RNF220: variants seen among roughly 807,000 people sequenced by gnomAD.
RNF220 encodes the protein ring finger protein 220, also known as E3 ubiquitin-protein ligase RNF220.
In RNF220, 7 loss-of-function variants were observed where a neutral mutation model predicts 67.1. The observed-to-expected ratio is 0.10, with a 90% confidence interval of 0.06 to 0.20. The LOEUF is 0.20. Ranked by LOEUF, RNF220 falls within the 10% of genes least tolerant of loss-of-function variation. The pLI is 1.00. For synonymous variants in RNF220, 270 were observed against 283.2 expected, an observed-to-expected ratio of 0.95 and a Z score of 0.47; for missense variants, 565 against 740.3, an observed-to-expected ratio of 0.76 and a Z score of 2.75.
intron 2 of RNF220, chr1:44,545,366 C>A (rs1397982396): frequency 1.3e-5 from 2 of 154,156 alleles, no homozygotes; most frequent in African/African-American, 4.8e-5. Flanking sequence ...CATGCTGATT[C>A]CATGCCATTA....
At chr1:44,545,035 G>A (rs114303087) in intron 2 of RNF220, among the ~76,000 whole-genome samples, 2,118 of 152,340 alleles carry the variant, frequency 0.014, 42 homozygotes, top group African/African-American at 0.048. Flanking sequence ...CAAACAAAGC[G>A]GGCTAAAATC....
At chr1:44,527,929 A>AAAAAAAAAAG (rs1660514040) in intron 2 of RNF220, among the ~76,000 whole-genome samples, 2 of 140,298 alleles carry the variant, frequency 1.4e-5, no homozygotes, top group African/African-American at 2.8e-5. Flanking sequence ...CCATCCCAAA[A>AAAAAAAAAAG]AAAAAAAAAA....
intron 2 of RNF220, among the ~76,000 whole-genome samples, chr1:44,524,791 ATAT>A (rs1558010562): frequency 6.6e-6 from 1 of 152,224 alleles, no homozygotes; most frequent in Non-Finnish European, 1.5e-5. Flanking sequence ...TACAGATATC[ATAT>A]TATGGGCGCA....
intron 2 of RNF220, among the ~76,000 whole-genome samples, chr1:44,453,639 A>G (rs1652898058): frequency 6.6e-6 from 1 of 152,088 alleles, no homozygotes; most frequent in Non-Finnish European, 1.5e-5. Flanking sequence ...CATCCCCTGC[A>G]TTACTAGATA....
intron 2 of RNF220, among the ~76,000 whole-genome samples, chr1:44,598,108 A>G (rs1267349053): frequency 6.6e-6 from 1 of 151,332 alleles, no homozygotes; most frequent in Non-Finnish European, 1.5e-5. Flanking sequence ...TAGGCTTGCT[A>G]ATCTTTGAAC....
intron 2 of RNF220, among the ~76,000 whole-genome samples, chr1:44,496,588 T>A (rs1657366754): frequency 6.6e-6 from 1 of 152,124 alleles, no homozygotes; most frequent in African/African-American, 2.4e-5. Flanking sequence ...TGCCCCGGCG[T>A]AGGAAAGGGT....
intron 2 of RNF220, among the ~76,000 whole-genome samples, chr1:44,547,630 T>C (rs1370760895): frequency 6.6e-6 from 1 of 152,152 alleles, no homozygotes; most frequent in Non-Finnish European, 1.5e-5. Flanking sequence ...GCTCATCCAT[T>C]CCTGCAGCTG....
chr1:44,407,650 C>T (rs1647501410), intron 1 of RNF220, among the ~76,000 whole-genome samples: 1 of 152,048 alleles, frequency 6.6e-6, no homozygotes, highest in Admixed American at 6.5e-5. Context: ...TTCTGCGAGC[C>T]GCGCGGTGTG....
chr1:44,512,520 A>G (rs566294636), intron 2 of RNF220, among the ~76,000 whole-genome samples: 1 of 152,312 alleles, frequency 6.6e-6, no homozygotes, highest in East Asian at 1.9e-4. Context: ...GGGTTAGCTG[A>G]GAGGGAGTGG....
chr1:44,543,168 C>T (rs967653395), intron 2 of RNF220, among the ~76,000 whole-genome samples: 2 of 152,172 alleles, frequency 1.3e-5, no homozygotes, highest in African/African-American at 4.8e-5. Context: ...AGCCCATCCC[C>T]AGGCCTTCCT....
chr1:44,441,283 C>A (rs1387961246), intron 2 of RNF220, among the ~76,000 whole-genome samples: 1 of 151,998 alleles, frequency 6.6e-6, no homozygotes, highest in Admixed American at 6.6e-5. Context: ...TTTTTCTGAG[C>A]CAGGAAAGTC....
At chr1:44,475,342 G>A (rs192119871) in intron 2 of RNF220, among the ~76,000 whole-genome samples, 1,771 of 149,736 alleles carry the variant, frequency 0.012, 20 homozygotes, top group Non-Finnish European at 0.021. Context: ...AGGCCGAGGC[G>A]GGCGGATCAC....
At chr1:44,644,493 A>G in intron 8 of RNF220, 1 of 561,762 alleles carries the variant, frequency 1.8e-6, no homozygotes. Flanking sequence ...AGCATGCAGT[A>G]GCAGAGAAAG....
In RNF220 at chr1:44,565,337, CAG is replaced by C. The variant is rs1663917231; in HGVS notation, c.626-48825_626-48824del. On this transcript the variant is annotated intron_variant, in intron 2 of 14. Coordinates refer to ENST00000361799, the MANE Select transcript of RNF220 (RefSeq NM_018150.4). This position sits in a 1 kb window ranked among gnomAD's most constrained non-coding sequence, Gnocchi z 4.2. The stretch of plus-strand genomic sequence containing the variant: ...AGGAGGCAGTGAGAGGTCAGAAAGG[CAG>C]AGTTTCCTGAGAGGTGAATTATCAG... Among the ~76,000 whole-genome samples, 2 of 152,092 alleles carry C rather than the reference CAG, an allele frequency of 1.3e-5. No individual in the cohort carries two copies. Among genetic ancestry groups the C allele is most frequent in the Admixed American group, 6.6e-5 (1 of 15,266 alleles).
intron 2 of RNF220, among the ~76,000 whole-genome samples, chr1:44,510,881 G>A (rs1658932785): frequency 6.6e-6 from 1 of 152,186 alleles, no homozygotes; most frequent in African/African-American, 2.4e-5. Flanking sequence ...CAGAGAAAAT[G>A]AGCAAAATGA....
chr1:44,632,205 G>A (rs1027222055), intron 5 of RNF220, 138 bp from the exon 6 acceptor site: 5 of 1,604,702 alleles, frequency 3.1e-6, no homozygotes, highest in Middle Eastern at 1.7e-4. Flanking sequence ...GCGGGAGGGA[G>A]GAAGTAGGTT....
At chr1:44,638,023 G>T (rs951972466) in intron 8 of RNF220, among the ~76,000 whole-genome samples, 1 of 152,236 alleles carries the variant, frequency 6.6e-6, no homozygotes, top group African/African-American at 2.4e-5. Flanking sequence ...GCAGTGGAGC[G>T]GAGGAGGCTG....
intron 2 of RNF220, among the ~76,000 whole-genome samples, chr1:44,489,010 T>G (rs1229472650): frequency 6.6e-6 from 1 of 152,204 alleles, no homozygotes; most frequent in Non-Finnish European, 1.5e-5. Flanking sequence ...GGATTGCAAG[T>G]GTGAGCCACC....
chr1:44,547,163 G>T (rs1662231379), intron 2 of RNF220, among the ~76,000 whole-genome samples: 1 of 152,216 alleles, frequency 6.6e-6, no homozygotes. Flanking sequence ...CTGAAGTGAA[G>T]ATGTCTCCTT....
Sources: gnomAD v4.1 joint callset for allele counts (sites outside exome capture counted in the v4.1 genomes callset) on GRCh38, gnomAD v4.1.1 for gene constraint, Gnocchi (gnomAD v3.1) non-coding constraint, MANE v1.5 for transcripts, NCBI Gene and HGNC (gene_info 2026-07-23, HGNC 2026-07-21) for gene names.